The following ITPR2 variants were observed in gnomAD, a reference collection of about 807,000 sequenced individuals.
ITPR2 encodes inositol 1,4,5-trisphosphate receptor type 2, also known as inositol 1,4,5-trisphosphate-gated calcium channel ITPR2.
In ITPR2, 207 loss-of-function variants were observed where a neutral mutation model predicts 317.1. The observed-to-expected ratio is 0.65, with a 90% CI of 0.58 to 0.73. The LOEUF is 0.73. Ranked by LOEUF, ITPR2 falls within the 30% of genes least tolerant of loss-of-function variation. The pLI is 0.00. For missense variants in ITPR2, 2,613 were observed against 3,284.0 expected (o/e 0.80, Z 4.99); for synonymous variants, 1,156 against 1,149.1 (o/e 1.01, Z -0.12).
At chr12:26,743,504 C>A (rs1178435817) in intron 2 of ITPR2, among the ~76,000 whole-genome samples, 2 of 152,124 alleles carry the variant, frequency 1.3e-5, no homozygotes, top group Admixed American at 1.3e-4. Flanking sequence ...TGATAAGGAT[C>A]AATGCATTAT....
chr12:26,787,987 C>T (rs559947687), intron 2 of ITPR2, among the ~76,000 whole-genome samples: 1 of 146,342 alleles, frequency 6.8e-6, no homozygotes, highest in Non-Finnish European at 1.5e-5. Context: ...TGCAATGGCG[C>T]GATCTCGGCT....
chr12:26,452,923 A>C (rs1941774824), intron 45 of ITPR2, among the ~76,000 whole-genome samples: 1 of 152,198 alleles, frequency 6.6e-6, no homozygotes, highest in African/African-American at 2.4e-5. Context: ...CATGTACTAA[A>C]AGAGTAAAAA....
At chr12:26,659,391 C>A in intron 15 of ITPR2, 106 bp from the exon 16 acceptor site, 1 of 998,638 alleles carries the variant, frequency 1.0e-6, no homozygotes, top group Non-Finnish European at 1.5e-6. Context: ...AGAAGGTTCA[C>A]TAAAAATTTT....
At chr12:26,697,152 C>T (rs950699855) in intron 9 of ITPR2, among the ~76,000 whole-genome samples, 5 of 152,148 alleles carry the variant, frequency 3.3e-5, no homozygotes, top group African/African-American at 1.2e-4. Context: ...CTGGGAACTG[C>T]GCTGCAAATG....
chr12:26,619,210 T>C (rs1946441150), intron 26 of ITPR2, among the ~76,000 whole-genome samples: 1 of 152,200 alleles, frequency 6.6e-6, no homozygotes, highest in Non-Finnish European at 1.5e-5. Flanking sequence ...CCTACAATTA[T>C]CTTGTAACTC....
rs760041968 is a variant in ITPR2 at position 26,436,264 on chromosome 12, T to C, written c.6726A>G (p.Leu2242=). Residue 2242 remains leucine (L), a synonymous_variant, in exon 48 of 57, where the codon TTA becomes TTG. Transcript: ENST00000381340. ...CAAATGGGTAGAAGAGAGCAACAGC[T>C]AAATTGATGAACACAGCCAGGTTGA... ...ISFNLAVFIN[L]AVALFYPFGD... The C allele has an allele frequency of 3.1e-6, 5 of 1,613,054 alleles. No homozygotes were observed. Among genetic ancestry groups the C allele is most frequent in the Non-Finnish European group, 4.2e-6 (5 of 1,179,562 alleles).
intron 4 of ITPR2, among the ~76,000 whole-genome samples, chr12:26,723,805 A>G (rs1948875765): frequency 6.6e-6 from 1 of 152,170 alleles, no homozygotes; most frequent in Non-Finnish European, 1.5e-5. Flanking sequence ...TGTCCTCTTT[A>G]TGAGCACACA....
At chr12:26,574,935 C>T (rs1945242026) in intron 34 of ITPR2, among the ~76,000 whole-genome samples, 1 of 151,780 alleles carries the variant, frequency 6.6e-6, no homozygotes, top group Non-Finnish European at 1.5e-5. Flanking sequence ...ATCCAGCCAC[C>T]TCCCACCAGA....
chr12:26,530,523 T>C (rs12318656), intron 37 of ITPR2, among the ~76,000 whole-genome samples: 3,606 of 152,320 alleles, frequency 0.024, 140 homozygotes, highest in African/African-American at 0.082. Flanking sequence ...ACCATTGTTC[T>C]CTGGCTCCCC....
chr12:26,437,779 G>A (rs1430266876), intron 47 of ITPR2, among the ~76,000 whole-genome samples: 1 of 151,954 alleles, frequency 6.6e-6, no homozygotes, highest in Non-Finnish European at 1.5e-5. Context: ...GAAAATATAT[G>A]TTTTTTTGTT....
intron 45 of ITPR2, among the ~76,000 whole-genome samples, chr12:26,453,830 A>G (rs1941805275): frequency 6.6e-6 from 1 of 152,250 alleles, no homozygotes; most frequent in Admixed American, 6.5e-5. Context: ...ATCTTTCTCC[A>G]TGATAATTCA....
intron 55 of ITPR2, chr12:26,373,555 C>A (rs1247343539): frequency 6.6e-6 from 1 of 152,198 alleles, no homozygotes; most frequent in African/African-American, 2.4e-5. Context: ...AATAACCTCA[C>A]ACAATGGCAA....
At chr12:26,366,664 G>T (rs936274961) in intron 55 of ITPR2, among the ~76,000 whole-genome samples, 1 of 152,136 alleles carries the variant, frequency 6.6e-6, no homozygotes, top group Non-Finnish European at 1.5e-5. Flanking sequence ...CCCTTGATCT[G>T]GGAGGGTGTA....
chr12:26,785,504 G>A (rs1241678506), intron 2 of ITPR2, among the ~76,000 whole-genome samples: 2 of 66,724 alleles, frequency 3.0e-5, no homozygotes, highest in Non-Finnish European at 7.7e-5. Context: ...CGCCCCTACT[G>A]GGAAGTGAGG....
intron 51 of ITPR2, among the ~76,000 whole-genome samples, chr12:26,412,437 C>T (rs12815947): frequency 0.36 from 54,418 of 151,970 alleles, 11,937 homozygotes; most frequent in Non-Finnish European, 0.49. Context: ...TGAGGGTGTG[C>T]GGGTGTGGGG....
intron 34 of ITPR2, among the ~76,000 whole-genome samples, chr12:26,575,337 GAC>G (rs776029991): frequency 2.6e-5 from 4 of 151,774 alleles, no homozygotes; most frequent in Non-Finnish European, 5.9e-5. Flanking sequence ...AATAAGGAAA[GAC>G]AGAAGGAGAT....
chr12:26,508,008 C>G (rs1338451091), intron 37 of ITPR2, among the ~76,000 whole-genome samples: 4 of 151,996 alleles, frequency 2.6e-5, no homozygotes, highest in African/African-American at 9.7e-5. Flanking sequence ...CTTGCTATCT[C>G]CCCTGGGTGT....
chr12:26,608,803 A>C lies in ITPR2; in HGVS notation c.3463-6097T>G, dbSNP rs537824407. Among the ~76,000 whole-genome samples the C allele has an allele frequency of 6.4e-3, 279 of 43,340 alleles. 1 individual carries two copies. Among genetic ancestry groups the C allele is most frequent in the African/African-American group, 0.022 (259 of 11,590 alleles). The allele number at this position is 43,340 out of a possible 152,430, so 28.4% of individuals were successfully genotyped here. ...TTTTAAATTAAAAAAAAAAAAAAAA[A>C]ACACATCAGGAACCTATTATCATAC... On this transcript the variant is annotated intron_variant, in intron 26 of 56. Coordinates refer to ENST00000381340, the MANE Select transcript of ITPR2 (RefSeq NM_002223.4).
chr12:26,588,435 C>T lies in ITPR2; in HGVS notation c.4380+7030G>A, dbSNP rs184282795. On this transcript the variant is annotated intron_variant, in intron 32 of 56. Transcript: ENST00000381340. ...AGAATACTTTATACTTCTTCACTTCCCTGAAATATTAGTTAAAAGACCATA... is the reference window on the plus strand; with the variant it reads ...AGAATACTTTATACTTCTTCACTTCTCTGAAATATTAGTTAAAAGACCATA... Among the ~76,000 whole-genome samples, 14 of 152,118 alleles carry T rather than the reference C, an allele frequency of 9.2e-5. No individual in the cohort carries two copies. In the East Asian group the frequency reaches 2.5e-3, roughly 27 times the overall value.
Sources: allele counts gnomAD v4.1 joint callset (sites outside exome capture counted in the v4.1 genomes callset), GRCh38; gene constraint gnomAD v4.1.1; transcripts MANE v1.5; gene names NCBI Gene and HGNC (gene_info 2026-07-23, HGNC 2026-07-21).